Variants in GALNTL6 observed in about 807,000 individuals in gnomAD.
GALNTL6 encodes polypeptide N-acetylgalactosaminyltransferase-like 6.
A neutral mutation model predicts 73.7 loss-of-function variants in GALNTL6; 46 were observed. That is an observed-to-expected ratio of 0.62 (90% confidence interval 0.49 to 0.80). The LOEUF (loss-of-function observed/expected upper bound fraction) is 0.80. Ranked by LOEUF, GALNTL6 falls within the 30% of genes least tolerant of loss-of-function variation. GALNTL6 has a pLI of 0.00. For missense variants in GALNTL6, 604 were observed against 755.0 expected, an observed-to-expected ratio of 0.80 and a Z score of 2.34; for synonymous variants, 259 against 263.7, an observed-to-expected ratio of 0.98 and a Z score of 0.17.
In GALNTL6 at chr4:172,691,613, C is replaced by A. The variant is rs564277834; in HGVS notation, c.554-117748C>A. 2.6e-5 allele frequency among the ~76,000 whole-genome samples: 4 copies of A among 152,178 alleles called. No individual in the cohort carries two copies. The South Asian group carries it at 8.3e-4, about 32-fold the overall frequency. The stretch of plus-strand genomic sequence containing the variant: ...TGGGGCTGGATGTCTGGAGGGCCCA[C>A]AGAGATGGTCAGGCAAGGCAGATGA... On this transcript the variant is annotated intron_variant, in intron 5 of 12. Coordinates refer to ENST00000506823, the MANE Select transcript of GALNTL6 (RefSeq NM_001034845.3).
chr4:172,784,627 AG>A (rs1433638303), intron 5 of GALNTL6, among the ~76,000 whole-genome samples: 4 of 152,106 alleles, frequency 2.6e-5, no homozygotes, highest in African/African-American at 9.7e-5. Context: ...ATTATCTAAG[AG>A]CCACATTAGG....
At chr4:172,251,066 G>A (rs1010925682) in intron 3 of GALNTL6, among the ~76,000 whole-genome samples, 1 of 152,114 alleles carries the variant, frequency 6.6e-6, no homozygotes, top group Non-Finnish European at 1.5e-5. Context: ...AACAGGATGT[G>A]TATATATGTA....
intron 5 of GALNTL6, among the ~76,000 whole-genome samples, chr4:172,720,949 A>G (rs925069198): frequency 5.3e-5 from 8 of 152,224 alleles, no homozygotes; most frequent in Non-Finnish European, 1.0e-4. Context: ...TCCTCTTAAT[A>G]GAATTAGAAT....
chr4:172,859,376 C>T (rs2111131327), intron 7 of GALNTL6, among the ~76,000 whole-genome samples: 1 of 152,210 alleles, frequency 6.6e-6, no homozygotes, highest in East Asian at 1.9e-4. Context: ...TAGGTCATGT[C>T]CTGGCTCTTG....
In GALNTL6 at chr4:172,507,087, T is replaced by G. The variant is rs546287141; in HGVS notation, c.553+158398T>G. On this transcript the variant is annotated intron_variant, in intron 5 of 12. Transcript: ENST00000506823. ...AGGGTACGATCTAATGCTAACAAAC[T>G]AAGGGGGAAAAAACAGCAAGGCCTA... Among the ~76,000 whole-genome samples the G allele has an allele frequency of 6.0e-3, 330 of 55,044 alleles. 136 individuals carry two copies. The highest frequency in any genetic ancestry group is 0.014 in the African/African-American group (314 of 22,004). The allele number at this position is 55,044 out of a possible 152,430, so 36.1% of individuals were successfully genotyped here. A position where few individuals can be genotyped will look rare whatever the true frequency, so the allele number is the denominator to read the frequency against.
chr4:172,928,387 C>CTACT (rs1748167549), intron 8 of GALNTL6, among the ~76,000 whole-genome samples: 1 of 152,124 alleles, frequency 6.6e-6, no homozygotes, highest in Non-Finnish European at 1.5e-5. Context: ...ATTGGGGAAA[C>CTACT]AGTAAAGTCT....
At chr4:172,381,373 AAT>A (rs1743279720) in intron 5 of GALNTL6, among the ~76,000 whole-genome samples, 1 of 152,156 alleles carries the variant, frequency 6.6e-6, no homozygotes, top group Admixed American at 6.5e-5. Flanking sequence ...CCAATCTTAT[AAT>A]AGTTTCATCA....
rs75427634 is a variant in GALNTL6 at position 172,175,545 on chromosome 4, A to T, written c.139-54111A>T. Among the ~76,000 whole-genome samples the T allele has an allele frequency of 7.5e-3, 1,150 of 152,318 alleles. 19 individuals are homozygous for T. The highest frequency in any genetic ancestry group is 0.026 in the African/African-American group (1,095 of 41,562). Reference sequence around the variant, plus strand: ...TTTAAAAAATGAATTTTATGTCCAGATTACAAGTATCCTAGTTTGGCTGAA... The same window carrying T: ...TTTAAAAAATGAATTTTATGTCCAGTTTACAAGTATCCTAGTTTGGCTGAA... On this transcript the variant is annotated intron_variant, in intron 2 of 12. Transcript: ENST00000506823.
At chr4:172,286,098 T>G (rs1739236254) in intron 3 of GALNTL6, among the ~76,000 whole-genome samples, 1 of 152,222 alleles carries the variant, frequency 6.6e-6, no homozygotes, top group Non-Finnish European at 1.5e-5. Context: ...ATTTTGTGGA[T>G]TTTGTATCCT....
chr4:172,605,305 A>G (rs915766936), intron 5 of GALNTL6, among the ~76,000 whole-genome samples: 4 of 152,162 alleles, frequency 2.6e-5, no homozygotes, highest in African/African-American at 9.7e-5. Flanking sequence ...CTAAACCCAC[A>G]TCAATACCCA....
chr4:173,014,293 A>T (rs1330822856), intron 11 of GALNTL6, among the ~76,000 whole-genome samples: 2 of 152,218 alleles, frequency 1.3e-5, no homozygotes, highest in African/African-American at 4.8e-5. Context: ...ACAAAAATAG[A>T]TCCTAATAAG....
chr4:172,243,713 C>T (rs1445609072), intron 3 of GALNTL6, among the ~76,000 whole-genome samples: 4 of 152,086 alleles, frequency 2.6e-5, no homozygotes, highest in Non-Finnish European at 5.9e-5. Context: ...GGGAATTTAC[C>T]ATGCTTTAAA....
chr4:172,753,993 C>A (rs1737589084), intron 5 of GALNTL6, among the ~76,000 whole-genome samples: 1 of 152,010 alleles, frequency 6.6e-6, no homozygotes, highest in African/African-American at 2.4e-5. Context: ...TTTAGAGATT[C>A]TTTTTATTAT....
At chr4:172,743,215 A>G (rs538062301) in intron 5 of GALNTL6, among the ~76,000 whole-genome samples, 1 of 152,034 alleles carries the variant, frequency 6.6e-6, no homozygotes, top group African/African-American at 2.4e-5. Flanking sequence ...ATATCATGAG[A>G]TCTACTTGAT....
At chr4:172,778,873 G>A (rs981909746) in intron 5 of GALNTL6, among the ~76,000 whole-genome samples, 2 of 152,050 alleles carry the variant, frequency 1.3e-5, no homozygotes, top group Non-Finnish European at 2.9e-5. Context: ...CCTTACCCAC[G>A]ATCTGACCTA....
intron 2 of GALNTL6, among the ~76,000 whole-genome samples, chr4:172,156,084 A>T (rs989641045): frequency 6.6e-6 from 1 of 150,628 alleles, no homozygotes; most frequent in Non-Finnish European, 1.5e-5. Flanking sequence ...CTGGGTGCAG[A>T]TGGGCTGAGG....
intron 5 of GALNTL6, among the ~76,000 whole-genome samples, chr4:172,662,935 G>A (rs1158684): frequency 0.42 from 64,438 of 152,024 alleles, 15,904 homozygotes; most frequent in East Asian, 0.68. Context: ...TATGTGACCT[G>A]GTACCTGGAT....
intron 5 of GALNTL6, among the ~76,000 whole-genome samples, chr4:172,639,994 CAT>C (rs763400177): frequency 1.8e-4 from 27 of 152,200 alleles, no homozygotes; most frequent in East Asian, 3.9e-4. Flanking sequence ...ACTTTTCCCA[CAT>C]GTTACCACCC....
At chr4:172,376,199 G>A (rs1192307542) in intron 5 of GALNTL6, among the ~76,000 whole-genome samples, 4 of 152,170 alleles carry the variant, frequency 2.6e-5, no homozygotes, top group Admixed American at 2.0e-4. Context: ...TCTTACAGGA[G>A]AAAATAGAAA....
Sources: allele counts gnomAD v4.1 joint callset (sites outside exome capture counted in the v4.1 genomes callset), GRCh38; gene constraint gnomAD v4.1.1; transcripts MANE v1.5; gene names NCBI Gene and HGNC (gene_info 2026-07-23, HGNC 2026-07-21).